The following ANKH variants were observed in gnomAD, a reference collection of about 807,000 sequenced individuals.
ANKH encodes ANKH inorganic pyrophosphate transport regulator, also known as mineralization regulator ANKH.
ANKH carries 15 observed loss-of-function variants against 49.0 expected under a neutral mutation model. The observed-to-expected ratio is 0.31, with a 90% CI of 0.20 to 0.47. ANKH has a LOEUF of 0.47. Among genes scored for constraint, ANKH ranks in the 20% least tolerant of loss-of-function variants. ANKH has a pLI of 1.00. For missense variants in ANKH, 429 were observed against 652.0 expected (o/e 0.66, Z 3.72); for synonymous variants, 273 against 260.0 (o/e 1.05, Z -0.48).
chr5:14,745,854 C>A lies in ANKH; in HGVS notation c.915+16G>T. On this transcript the variant is annotated intron_variant, in intron 7 of 11. Transcript: ENST00000284268. This position sits in a 1 kb window ranked among gnomAD's most constrained non-coding sequence, Gnocchi z 4.7. ...TCAAAAGCATGTTTCAGACACGACA[C>A]CGCACGGGTTCTCACCTTGTCGAAA... 2 of 1,613,136 alleles carry A rather than the reference C, an allele frequency of 1.2e-6. No homozygotes were observed. The highest frequency in any genetic ancestry group is 2.2e-5 in the South Asian group (2 of 91,068).
chr5:14,793,668 T>C (rs550521939), intron 1 of ANKH, among the ~76,000 whole-genome samples: 3 of 152,354 alleles, frequency 2.0e-5, no homozygotes, highest in Admixed American at 1.3e-4. Context: ...CCTTCACTGC[T>C]GCAGCTCCTC....
rs139351002 is a variant in ANKH, at chr5:14,712,907, G to A, written c.1332C>T (p.Val444=). The change falls in exon 11 of 12, where the codon GTC becomes GTT. Residue 444 remains valine, a synonymous_variant. Coordinates refer to ENST00000284268, the MANE Select transcript of ANKH (RefSeq NM_054027.6). ...GGTAGACATAGCACGCAGCGATGGC[G>A]ACCATGGTGGATTCTCCCACAAAGC... ...LAGFVGESTM[V]AIAACYVYRK... The A allele has an allele frequency of 5.5e-4, 889 of 1,612,892 alleles. 1 individual carries two copies. In the African/African-American group the frequency reaches 9.2e-3, roughly 17 times the overall value.
chr5:14,791,474 G>A (rs1276328855), intron 1 of ANKH, among the ~76,000 whole-genome samples: 2 of 152,052 alleles, frequency 1.3e-5, no homozygotes, highest in Non-Finnish European at 2.9e-5. Context: ...AAGCTCCTAC[G>A]GCTGTAATGA....
intron 1 of ANKH, among the ~76,000 whole-genome samples, chr5:14,788,861 G>A (rs1220552538): frequency 6.6e-6 from 1 of 152,148 alleles, no homozygotes; most frequent in African/African-American, 2.4e-5. Context: ...CTGAGCAGCT[G>A]TGCAAAAAGG....
At chr5:14,862,925 G>C (rs1388964607) in intron 1 of ANKH, among the ~76,000 whole-genome samples, 1 of 152,136 alleles carries the variant, frequency 6.6e-6, no homozygotes, top group Non-Finnish European at 1.5e-5. Context: ...TTTTCCCAAA[G>C]GAAGCCACCA....
At chr5:14,755,719 T>C (rs1002453506) in intron 4 of ANKH, 142 bp downstream of exon 4, 7 of 724,770 alleles carry the variant, frequency 9.7e-6, no homozygotes, top group Non-Finnish European at 1.8e-5. Flanking sequence ...TTTATTGAGG[T>C]CTCTATGTGA....
chr5:14,721,204 G>C (rs1737649353), intron 8 of ANKH, among the ~76,000 whole-genome samples: 1 of 152,192 alleles, frequency 6.6e-6, no homozygotes, highest in South Asian at 2.1e-4. Context: ...TTCCTGAGAT[G>C]GTGGCTCAAT....
chr5:14,712,344 C>T (rs574189594), intron 11 of ANKH, among the ~76,000 whole-genome samples: 6 of 152,384 alleles, frequency 3.9e-5, no homozygotes, highest in African/African-American at 1.4e-4. Context: ...TCATATACCT[C>T]CCTTTTCTCA....
chr5:14,732,968 GC>G (rs1468040453), intron 8 of ANKH, among the ~76,000 whole-genome samples: 2 of 152,262 alleles, frequency 1.3e-5, no homozygotes, highest in Non-Finnish European at 2.9e-5. Context: ...GTGACAGACA[GC>G]CCCCCCAGCT....
chr5:14,860,120 CA>C (rs1735436945), intron 1 of ANKH, among the ~76,000 whole-genome samples: 1 of 152,228 alleles, frequency 6.6e-6, no homozygotes, highest in African/African-American at 2.4e-5. Flanking sequence ...AAATGAGGTA[CA>C]ACCAGCTGCA....
At chr5:14,777,212 G>A (rs1410401922) in intron 1 of ANKH, among the ~76,000 whole-genome samples, 1 of 152,174 alleles carries the variant, frequency 6.6e-6, no homozygotes, top group Non-Finnish European at 1.5e-5. Flanking sequence ...CTTGAACACG[G>A]GAGGTGGAGG....
Position 14,871,094 on chromosome 5 carries a change from C to A in ANKH, c.96+258G>T, listed in dbSNP as rs1407736084. The A allele has an allele frequency of 4.9e-6, 3 of 613,992 alleles. No individual in the cohort carries two copies. In the African/African-American group the frequency reaches 5.4e-5, roughly 11 times the overall value. 38.0% of individuals were successfully genotyped at this position (613,992 alleles called of 1,614,324 possible). On this transcript the variant is annotated intron_variant, in intron 1 of 11. Transcript: ENST00000284268. ...ACATAATACTGCCGTGCACTAAAAA[C>A]CCTTCCATAGGTGAAGCTTCACACC...
intron 1 of ANKH, among the ~76,000 whole-genome samples, chr5:14,858,233 A>G (rs1156786781): frequency 6.6e-6 from 1 of 152,114 alleles, no homozygotes; most frequent in East Asian, 1.9e-4. Context: ...CACTGTACCC[A>G]ATGTGTAGTC....
chr5:14,849,117 C>T (rs1208618948), intron 1 of ANKH, among the ~76,000 whole-genome samples: 1 of 152,202 alleles, frequency 6.6e-6, no homozygotes, highest in Non-Finnish European at 1.5e-5. Flanking sequence ...TCTCCCAGTG[C>T]TATGCTTACT....
chr5:14,719,265 A>G (rs1215663184), intron 8 of ANKH, among the ~76,000 whole-genome samples: 1 of 152,198 alleles, frequency 6.6e-6, no homozygotes, highest in Non-Finnish European at 1.5e-5. Context: ...CCAAACTATC[A>G]CTCAAGTGTG....
chr5:14,864,917 A>C (rs75639008), intron 1 of ANKH, among the ~76,000 whole-genome samples: 12,105 of 151,930 alleles, frequency 0.08, 705 homozygotes, highest in East Asian at 0.3. Flanking sequence ...CACTTACCCC[A>C]CACACACACA....
intron 1 of ANKH, among the ~76,000 whole-genome samples, chr5:14,776,041 C>T (rs959077654): frequency 6.6e-6 from 1 of 152,194 alleles, no homozygotes; most frequent in African/African-American, 2.4e-5. Context: ...AGGGACTACA[C>T]TTGGCTTGGG....
chr5:14,741,750 T>G, intron 8 of ANKH, 77 bp downstream of exon 8: 1 of 1,026,614 alleles, frequency 9.7e-7, no homozygotes, highest in Non-Finnish European at 1.5e-6. Context: ...AAATAAGATT[T>G]CCCCCTTTAA....
intron 1 of ANKH, among the ~76,000 whole-genome samples, chr5:14,831,531 C>CG (rs1741507401): frequency 6.6e-6 from 1 of 152,068 alleles, no homozygotes; most frequent in Non-Finnish European, 1.5e-5. Context: ...TGGGGGACGA[C>CG]GGGGGGCCTT....
Sources: allele counts gnomAD v4.1 joint callset (sites outside exome capture counted in the v4.1 genomes callset), GRCh38; gene constraint gnomAD v4.1.1; non-coding constraint Gnocchi (gnomAD v3.1); transcripts MANE v1.5; gene names NCBI Gene and HGNC (gene_info 2026-07-23, HGNC 2026-07-21).